Variants in NLRP7 observed in about 807,000 individuals in gnomAD.
NLRP7 encodes NACHT, LRR and PYD domains-containing protein 7.
NLRP7 carries 72 observed loss-of-function variants against 85.5 expected under a neutral mutation model. The observed-to-expected ratio is 0.84, with a 90% CI of 0.70 to 1.02. NLRP7 has a LOEUF of 1.02. Ranked by LOEUF, NLRP7 falls within the 50% of genes least tolerant of loss-of-function variation. The pLI, the probability that NLRP7 is intolerant of heterozygous loss-of-function variation, is 0.00. For synonymous variants in NLRP7, 550 were observed against 505.2 expected, an observed-to-expected ratio of 1.09 and a Z score of -1.19; for missense variants, 1,243 against 1,219.5, an observed-to-expected ratio of 1.02 and a Z score of -0.29.
exon 4 of NLRP7, chr19:54,940,312 T>G: frequency 6.2e-7 from 1 of 1,614,238 alleles, no homozygotes. Context: ...TGTAAGGTGT[T>G]AGCTTCCTGG....
At chr19:54,949,393 T>C (rs2069599452), upstream of NLRP7, among the ~76,000 whole-genome samples, 1 of 151,518 alleles carries the variant, frequency 6.6e-6, no homozygotes, top group South Asian at 2.1e-4. Context: ...CTGGGCAATA[T>C]GGCGAGACTC....
At chr19:54,943,100 T>C (rs1299660188) in intron 1 of NLRP7, among the ~76,000 whole-genome samples, 1 of 151,028 alleles carries the variant, frequency 6.6e-6, no homozygotes, top group East Asian at 2.0e-4. Context: ...TGAGCTGAGA[T>C]AGCGCCATTG....
intron 1 of NLRP7, among the ~76,000 whole-genome samples, chr19:54,954,536 A>T (rs1451453581): frequency 1.4e-5 from 2 of 144,550 alleles, no homozygotes; most frequent in African/African-American, 2.7e-5. Flanking sequence ...CTCAAAAAAA[A>T]AAAAAAAAAA....
chr19:54,944,802 G>A (rs750677843), intron 1 of NLRP7, among the ~76,000 whole-genome samples: 2 of 152,010 alleles, frequency 1.3e-5, no homozygotes, highest in Non-Finnish European at 2.9e-5. Flanking sequence ...TATATACAAC[G>A]TTTACTTGTC....
At chr19:54,935,483 G>C (rs1390046830) in intron 6 of NLRP7, among the ~76,000 whole-genome samples, 2 of 152,094 alleles carry the variant, frequency 1.3e-5, no homozygotes, top group Non-Finnish European at 2.9e-5. Context: ...ATCACTTGAG[G>C]TCAGGAGTTC....
exon 10 of NLRP7, chr19:54,923,726 C>T (rs372049049): frequency 3.5e-5 from 56 of 1,612,194 alleles, no homozygotes; most frequent in African/African-American, 6.7e-5. Flanking sequence ...ATTCGTAGAG[C>T]GATCCCAGGC....
At chr19:54,928,166 G>A (rs1408041687) in intron 9 of NLRP7, among the ~76,000 whole-genome samples, 2 of 152,114 alleles carry the variant, frequency 1.3e-5, no homozygotes, top group Admixed American at 6.6e-5. Context: ...GTTACAGTGA[G>A]CCCAGATTGC....
intron 1 of NLRP7, among the ~76,000 whole-genome samples, chr19:54,963,602 T>C (rs537337771): frequency 6.6e-6 from 1 of 152,042 alleles, no homozygotes; most frequent in African/African-American, 2.4e-5. Context: ...GGTGAGCAGA[T>C]TACCTGAGGT....
chr19:54,960,771 A>G (rs1300742632), intron 1 of NLRP7, among the ~76,000 whole-genome samples: 5 of 150,942 alleles, frequency 3.3e-5, no homozygotes, highest in Non-Finnish European at 7.4e-5. Context: ...AATTTTTTTA[A>G]TTTTTAGTAG....
intron 8 of NLRP7, among the ~76,000 whole-genome samples, chr19:54,931,387 T>C (rs971669286): frequency 6.6e-6 from 1 of 152,020 alleles, no homozygotes; most frequent in African/African-American, 2.4e-5. Context: ...TGAAACCCCA[T>C]CTTTACTAAA....
intron 1 of NLRP7, among the ~76,000 whole-genome samples, chr19:54,964,328 T>G (rs1238300737): frequency 6.9e-6 from 1 of 145,396 alleles, no homozygotes; most frequent in Non-Finnish European, 1.5e-5. Context: ...GCCATTCTCC[T>G]GCCTCAGCCT....
At position 54,934,824 on chromosome 19, in the gene NLRP7, C is replaced by G. The variant is rs2068837507; in HGVS notation, c.2301-165G>C. Reference sequence around the variant, plus strand: ...TCCCGGGTTCAAGCTATTCTCCTGCCTCAGCCTCCGAAGTAGCTGGGATTA... The same window carrying G: ...TCCCGGGTTCAAGCTATTCTCCTGCGTCAGCCTCCGAAGTAGCTGGGATTA... On this transcript the variant is annotated intron_variant, in intron 6 of 9. Coordinates refer to ENST00000340844, the Ensembl canonical transcript of NLRP7. This position sits in a 1 kb window ranked among gnomAD's most constrained non-coding sequence, Gnocchi z 6.7. 6.6e-6 allele frequency among the ~76,000 whole-genome samples: 1 copy of G among 152,092 alleles called. No individual in the cohort carries two copies. The highest frequency in any genetic ancestry group is 1.5e-5 in the Non-Finnish European group (1 of 68,012).
At chr19:54,947,707 G>A (rs965908831), upstream of NLRP7, 10 of 1,194,374 alleles carry the variant, frequency 8.4e-6, no homozygotes, top group African/African-American at 1.6e-4. Flanking sequence ...GGGCTTTGGA[G>A]AATTACGGCT....
intron 8 of NLRP7, among the ~76,000 whole-genome samples, chr19:54,932,404 G>A (rs2068716176): frequency 6.7e-6 from 1 of 149,350 alleles, no homozygotes; most frequent in Non-Finnish European, 1.5e-5. Flanking sequence ...TTCCAGTCTG[G>A]GCGACAGAGT....
At chr19:54,958,664 A>G (rs10401754) in intron 1 of NLRP7, among the ~76,000 whole-genome samples, 34,074 of 150,496 alleles carry the variant, frequency 0.23, 4,196 homozygotes, top group East Asian at 0.38. Flanking sequence ...TAATAATAAT[A>G]ACTAGTGGCC....
chr19:54,927,863 G>A (rs1025659676), intron 9 of NLRP7, 88 bp from the exon 10 acceptor site: 62 of 1,192,360 alleles, frequency 5.2e-5, no homozygotes, highest in African/African-American at 1.1e-4. Flanking sequence ...AGGCCAAGGC[G>A]GGTGGATCAC....
At chr19:54,931,604 C>T (rs534281940) in intron 8 of NLRP7, among the ~76,000 whole-genome samples, 1 of 151,920 alleles carries the variant, frequency 6.6e-6, no homozygotes, top group South Asian at 2.1e-4. Context: ...AGGAGAATCT[C>T]TTGAACTGGG....
rs766955200 is a variant in NLRP7 at position 54,934,619 on chromosome 19, A to G, written c.2341T>C (p.Phe781Leu). The change falls in exon 7 of 10, where the codon TTC (phenylalanine) becomes CTC (leucine). Residue 781 changes from phenylalanine to leucine, a missense_variant. By Grantham distance (22) the Phe-to-Leu change is conservative. Coordinates refer to ENST00000340844, the Ensembl canonical transcript of NLRP7. This position sits in a 1 kb window ranked among gnomAD's most constrained non-coding sequence, Gnocchi z 6.7. ...TGGTTGGCTTTGAGGACATAGAAGA[A>G]TTCAGCCCACTGCTCCGGGGTGGCA... 6.2e-7 allele frequency: 1 copy of G among 1,614,076 alleles called. No individual in the cohort carries two copies. Among genetic ancestry groups the G allele is most frequent in the Non-Finnish European group, 8.5e-7 (1 of 1,179,984 alleles).
At chr19:54,957,589 C>T (rs1388266124) in intron 1 of NLRP7, among the ~76,000 whole-genome samples, 3 of 151,996 alleles carry the variant, frequency 2.0e-5, no homozygotes, top group African/African-American at 7.2e-5. Flanking sequence ...AGGTGATCCA[C>T]CCACCTTGGC....
Sources: gnomAD v4.1 joint callset for allele counts (sites outside exome capture counted in the v4.1 genomes callset) on GRCh38, gnomAD v4.1.1 for gene constraint, Gnocchi (gnomAD v3.1) non-coding constraint, MANE v1.5 for transcripts, NCBI Gene and HGNC (gene_info 2026-07-23, HGNC 2026-07-21) for gene names.